RALGAPA1: variants seen among roughly 807,000 people sequenced by gnomAD.
RALGAPA1 encodes Ral GTPase activating protein catalytic subunit alpha 1.
A neutral mutation model predicts 269.6 loss-of-function variants in RALGAPA1; 52 were observed. That is an observed-to-expected ratio of 0.19 (90% CI 0.15 to 0.24). The LOEUF (loss-of-function observed/expected upper bound fraction) is 0.24, where lower values mean the gene tolerates loss of function less well. RALGAPA1 is among the 10% of genes least tolerant of loss of function. RALGAPA1 has a pLI of 1.00. For missense variants in RALGAPA1, 1,917 were observed against 3,013.9 expected, an observed-to-expected ratio of 0.64 and a Z score of 8.52; for synonymous variants, 817 against 1,008.3, an observed-to-expected ratio of 0.81 and a Z score of 3.60.
At chr14:35,697,228 T>C (rs1328908740) in intron 17 of RALGAPA1, among the ~76,000 whole-genome samples, 1 of 152,258 alleles carries the variant, frequency 6.6e-6, no homozygotes, top group Admixed American at 6.5e-5. Flanking sequence ...AATTTTCATA[T>C]TGGTTCTCTC....
chr14:35,589,695 T>G (rs111379588), intron 37 of RALGAPA1, among the ~76,000 whole-genome samples: 2,875 of 151,622 alleles, frequency 0.019, 76 homozygotes, highest in African/African-American at 0.058. Context: ...ATGTATGTAT[T>G]TATTTATTTA....
intron 19 of RALGAPA1, among the ~76,000 whole-genome samples, chr14:35,685,870 C>T (rs992639007): frequency 3.9e-5 from 6 of 152,034 alleles, no homozygotes; most frequent in South Asian, 2.1e-4. Context: ...CCACCCTGGG[C>T]GACAAAGCGA....
chr14:35,678,874 T>C (rs541906841), intron 21 of RALGAPA1, among the ~76,000 whole-genome samples: 3 of 152,218 alleles, frequency 2.0e-5, no homozygotes, highest in Non-Finnish European at 4.4e-5. Flanking sequence ...TCTGCTTCCT[T>C]GAGAAGCCTA....
intron 1 of RALGAPA1, among the ~76,000 whole-genome samples, chr14:35,795,434 G>T (rs1013512912): frequency 6.6e-6 from 1 of 152,168 alleles, no homozygotes. Flanking sequence ...GAACCATGCT[G>T]AAGTATTGGA....
chr14:35,765,399 T>C (rs2074062040), intron 4 of RALGAPA1, among the ~76,000 whole-genome samples: 2 of 152,044 alleles, frequency 1.3e-5, no homozygotes, highest in Non-Finnish European at 2.9e-5. Flanking sequence ...AGAATTGTTA[T>C]ATGTGTGTGT....
At chr14:35,767,987 C>T (rs1475813781) in intron 4 of RALGAPA1, among the ~76,000 whole-genome samples, 3 of 152,214 alleles carry the variant, frequency 2.0e-5, no homozygotes, top group Admixed American at 1.3e-4. Flanking sequence ...GTTGCCCAGG[C>T]TGGTCTCGAA....
At chr14:35,757,755 T>C (rs988867656) in intron 6 of RALGAPA1, among the ~76,000 whole-genome samples, 2 of 152,222 alleles carry the variant, frequency 1.3e-5, no homozygotes, top group African/African-American at 4.8e-5. Context: ...TTCTCTTAAA[T>C]ATTTCCTAAG....
intron 7 of RALGAPA1, among the ~76,000 whole-genome samples, chr14:35,753,700 G>A (rs1165129509): frequency 1.3e-5 from 2 of 152,038 alleles, no homozygotes; most frequent in Non-Finnish European, 2.9e-5. Context: ...AAGGGTTGAG[G>A]GTAAGAGGAC....
intron 1 of RALGAPA1, among the ~76,000 whole-genome samples, chr14:35,801,589 GGAT>G (rs1454310681): frequency 6.6e-6 from 1 of 152,000 alleles, no homozygotes; most frequent in Non-Finnish European, 1.5e-5. Context: ...AATATTAAAA[GGAT>G]AATAAGAGAG....
intron 10 of RALGAPA1, among the ~76,000 whole-genome samples, chr14:35,746,317 G>C (rs1191024680): frequency 6.6e-6 from 1 of 152,084 alleles, no homozygotes; most frequent in African/African-American, 2.4e-5. Context: ...GGATGAACAG[G>C]TTCTGGATAT....
chr14:35,756,855 T>C lies in RALGAPA1; in HGVS notation c.601A>G (p.Lys201Glu). ...TAGCTTGTGAGATCTTCTTGCCCTT[T>C]ATCTCCTGATTGTGGGGGGACAAGA... Reference protein sequence around the residue: ...TPLVPPQSGDKGQEDLTSYFL... With the variant: ...TPLVPPQSGDEGQEDLTSYFL... Residue 201 changes from lysine (K) to glutamate (E), a missense_variant, in exon 7 of 42, where the codon AAA becomes GAA. Physicochemically the swap from Lys to Glu is moderately conservative, Grantham distance 56. Around this residue, in one of 11 missense-constraint regions of RALGAPA1, gnomAD observed 462 missense variants for 725.6 expected, o/e 0.64. Transcript: ENST00000680220. The C allele has an allele frequency of 6.2e-7, 1 of 1,611,524 alleles. No individual in the cohort carries two copies. The highest frequency in any genetic ancestry group is 8.5e-7 in the Non-Finnish European group (1 of 1,178,906).
At chr14:35,554,718 C>A (rs2055427071) in intron 39 of RALGAPA1, among the ~76,000 whole-genome samples, 1 of 152,154 alleles carries the variant, frequency 6.6e-6, no homozygotes, top group Admixed American at 6.5e-5. Context: ...TTCAATGTTA[C>A]TTCTTCACTT....
chr14:35,600,431 T>C (rs1299170688), intron 36 of RALGAPA1, among the ~76,000 whole-genome samples: 1 of 151,790 alleles, frequency 6.6e-6, no homozygotes, highest in Non-Finnish European at 1.5e-5. Context: ...GGGATCTCAC[T>C]ATGTTGCCCA....
At chr14:35,756,730 C>T in intron 7 of RALGAPA1, 63 bp downstream of exon 7, 1 of 1,153,782 alleles carries the variant, frequency 8.7e-7, no homozygotes, top group East Asian at 2.6e-5. Flanking sequence ...TGGTAAGAGA[C>T]AGAAAAGGGA....
intron 36 of RALGAPA1, among the ~76,000 whole-genome samples, chr14:35,597,733 C>T (rs898169424): frequency 6.6e-6 from 1 of 152,188 alleles, no homozygotes; most frequent in Non-Finnish European, 1.5e-5. Context: ...CTGGCAATCA[C>T]TCACTCATCT....
chr14:35,612,242 G>A (rs949007920), intron 35 of RALGAPA1, among the ~76,000 whole-genome samples: 3 of 151,742 alleles, frequency 2.0e-5, no homozygotes, highest in African/African-American at 4.8e-5. Context: ...GTGGTGGCAT[G>A]CGTCTGCAGT....
intron 4 of RALGAPA1, among the ~76,000 whole-genome samples, chr14:35,769,065 T>C (rs11629099): frequency 0.14 from 11,121 of 77,616 alleles, 1,091 homozygotes; most frequent in East Asian, 0.44. Flanking sequence ...TATATATATA[T>C]ACACACACAT....
At chr14:35,762,417 G>T (rs983752798) in intron 5 of RALGAPA1, among the ~76,000 whole-genome samples, 7 of 151,912 alleles carry the variant, frequency 4.6e-5, no homozygotes, top group Non-Finnish European at 1.0e-4. Context: ...CACCACGCCC[G>T]GCTAATTTTT....
chr14:35,796,057 A>T (rs1299174834), intron 1 of RALGAPA1, among the ~76,000 whole-genome samples: 10 of 152,210 alleles, frequency 6.6e-5, no homozygotes, highest in Admixed American at 6.5e-4. Context: ...AAGAATCAGG[A>T]AAACAACCCA....
Sources: gnomAD v4.1 joint callset for allele counts (sites outside exome capture counted in the v4.1 genomes callset) on GRCh38, gnomAD v4.1.1 for gene constraint, gnomAD v4.1.1 regional missense constraint, MANE v1.5 for transcripts, NCBI Gene and HGNC (gene_info 2026-07-23, HGNC 2026-07-21) for gene names.